Variants in FREM3 observed in about 807,000 individuals in gnomAD.
FREM3 encodes the protein FRAS1 related extracellular matrix 3, also known as FRAS1-related extracellular matrix protein 3.
In FREM3, 105 loss-of-function variants were observed where a neutral mutation model predicts 129.1. The ratio of observed to expected loss-of-function variants is 0.81; its 90% confidence interval spans 0.69 to 0.96. The LOEUF (loss-of-function observed/expected upper bound fraction) is 0.96, where lower values mean the gene tolerates loss of function less well. FREM3 is among the 40% of genes least tolerant of loss of function. The pLI, the probability that FREM3 is intolerant of heterozygous loss-of-function variation, is 0.00. For synonymous variants in FREM3, 1,014 were observed against 1,044.9 expected, an observed-to-expected ratio of 0.97 and a Z score of 0.57; for missense variants, 2,593 against 2,666.3, an observed-to-expected ratio of 0.97 and a Z score of 0.61.
chr4:143,666,522 T>C (rs1463978677), intron 2 of FREM3, among the ~76,000 whole-genome samples: 2 of 152,154 alleles, frequency 1.3e-5, no homozygotes, highest in African/African-American at 2.4e-5. Context: ...CAAAATATGA[T>C]ATGTACATAC....
chr4:143,661,732 G>T (rs1455804707), intron 2 of FREM3, among the ~76,000 whole-genome samples: 1 of 152,150 alleles, frequency 6.6e-6, no homozygotes, highest in Non-Finnish European at 1.5e-5. Context: ...AGTCTTTTTG[G>T]TTGGTAAGCT....
intron 6 of FREM3, among the ~76,000 whole-genome samples, chr4:143,603,661 A>G (rs1230562392): frequency 6.6e-6 from 1 of 152,174 alleles, no homozygotes; most frequent in Non-Finnish European, 1.5e-5. Flanking sequence ...AAACCTTTTT[A>G]TCTGAGAAAT....
At chr4:143,579,139 G>A (rs1170242446) in intron 7 of FREM3, among the ~76,000 whole-genome samples, 1 of 151,460 alleles carries the variant, frequency 6.6e-6, no homozygotes, top group African/African-American at 2.4e-5. Flanking sequence ...TTTTCTAAAA[G>A]GCACCAAATA....
intron 4 of FREM3, 33 bp downstream of exon 4, chr4:143,624,075 G>A (rs1388655310): frequency 1.6e-6 from 2 of 1,275,290 alleles, no homozygotes; most frequent in South Asian, 1.3e-5. Context: ...AACCTGTACT[G>A]GTTAATAAAG....
chr4:143,624,587 A>T (rs1739013044), intron 3 of FREM3, among the ~76,000 whole-genome samples: 1 of 152,218 alleles, frequency 6.6e-6, no homozygotes, highest in African/African-American at 2.4e-5. Context: ...ATCTTATTTA[A>T]CTTATTTATT....
intron 6 of FREM3, among the ~76,000 whole-genome samples, chr4:143,599,695 A>C (rs4835228): frequency 0.054 from 8,146 of 152,206 alleles, 589 homozygotes; most frequent in African/African-American, 0.17. Context: ...GCAAAGGAAC[A>C]CTAGGCTAGA....
intron 2 of FREM3, among the ~76,000 whole-genome samples, chr4:143,653,185 A>G (rs150157981): frequency 2.6e-5 from 4 of 152,314 alleles, no homozygotes; most frequent in African/African-American, 4.8e-5. Flanking sequence ...CACAGCTTCA[A>G]TGAGTCAGAA....
intron 4 of FREM3, among the ~76,000 whole-genome samples, chr4:143,623,589 A>C (rs1367080285): frequency 7.0e-6 from 1 of 143,796 alleles, no homozygotes; most frequent in African/African-American, 2.5e-5. Flanking sequence ...TTTCCTTTAA[A>C]TTTATCTGGG....
chr4:143,674,026 C>A (rs1043817388), intron 2 of FREM3, among the ~76,000 whole-genome samples: 1 of 152,228 alleles, frequency 6.6e-6, no homozygotes, highest in South Asian at 2.1e-4. Flanking sequence ...AATTCCCTGA[C>A]CCCTTGCACT....
chr4:143,683,197 G>T (rs1239798965), intron 2 of FREM3, among the ~76,000 whole-genome samples: 8 of 152,214 alleles, frequency 5.3e-5, no homozygotes. Flanking sequence ...GGATTAGATT[G>T]CAGCTCCGGA....
chr4:143,681,684 C>T (rs1342825497), intron 2 of FREM3, among the ~76,000 whole-genome samples: 1 of 152,146 alleles, frequency 6.6e-6, no homozygotes, highest in African/African-American at 2.4e-5. Context: ...GCCAGTTAAA[C>T]TCTATACACC....
chr4:143,669,462 T>G (rs1040382389), intron 2 of FREM3, among the ~76,000 whole-genome samples: 1 of 152,060 alleles, frequency 6.6e-6, no homozygotes, highest in African/African-American at 2.4e-5. Context: ...ACAATTTTTT[T>G]TTTTTGGTAG....
intron 7 of FREM3, among the ~76,000 whole-genome samples, chr4:143,582,353 C>T (rs978241781): frequency 7.2e-5 from 11 of 152,084 alleles, no homozygotes; most frequent in South Asian, 2.1e-4. Context: ...GCCTACCAGC[C>T]GTTACACTTA....
chr4:143,689,376 A>T (rs1740424308), intron 2 of FREM3, among the ~76,000 whole-genome samples: 1 of 152,154 alleles, frequency 6.6e-6, no homozygotes, highest in Admixed American at 6.5e-5. Flanking sequence ...ATAATTAAAA[A>T]AAGCAGTAGA....
intron 7 of FREM3, among the ~76,000 whole-genome samples, chr4:143,579,211 T>C (rs765989337): frequency 3.3e-5 from 5 of 152,128 alleles, no homozygotes; most frequent in Non-Finnish European, 7.3e-5. Context: ...CTCAGCACTT[T>C]GGGAGGCCGA....
Position 143,696,180 on chromosome 4 carries a change from A to T in FREM3, c.4496T>A (p.Val1499Asp), listed in dbSNP as rs1257824593. 1 of 1,537,670 alleles carries T rather than the reference A, an allele frequency of 6.5e-7. No individual in the cohort carries two copies. Among genetic ancestry groups the T allele is most frequent in the Non-Finnish European group, 8.7e-7 (1 of 1,147,062 alleles). Residue 1499 changes from valine (V) to aspartate (D), a missense_variant, in exon 1 of 8, where the codon GTC (valine) becomes GAC (aspartate). Val to Asp is a radical substitution (Grantham distance 152, BLOSUM62 -3). Around this residue, in one of 2 missense-constraint regions of FREM3, gnomAD observed 2,276 missense variants for 2,267.2 expected, o/e 1.00. Coordinates refer to ENST00000329798, the MANE Select transcript of FREM3 (RefSeq NM_001168235.2). ...CTTTTTCTCATCATTTGAAGTATGG[A>T]CATAGGATATTTTGTTGCTAGCCAA... is the stretch of plus-strand genomic sequence containing the variant. ...LQLASNKISY[V>D]HTSNDEKKMD...
intron 2 of FREM3, among the ~76,000 whole-genome samples, chr4:143,692,333 A>C (rs1019754142): frequency 9.9e-5 from 15 of 152,196 alleles, no homozygotes; most frequent in African/African-American, 3.1e-4. Context: ...CTACTTTACA[A>C]TAAATTCAGT....
chr4:143,697,177 T>C lies in FREM3; in HGVS notation c.3499A>G (p.Thr1167Ala). 1 of 1,537,766 alleles carries C rather than the reference T, an allele frequency of 6.5e-7. No homozygotes were observed. Among genetic ancestry groups the C allele is most frequent in the Non-Finnish European group, 8.7e-7 (1 of 1,147,028 alleles). ...TTGATGCCATCAGAGCAATAAAAGG[T>C]GAATTGGTCCTCTTGTGGCTCTACT... The part of the protein sequence containing the change: ...KGVEPQEDQF[T>A]FYCSDGINFS... The change falls in exon 1 of 8, where the codon ACC becomes GCC. Residue 1167 changes from threonine (T) to alanine (A), a missense_variant. By Grantham distance (58) the Thr-to-Ala change is moderately conservative (BLOSUM62 0). Coordinates refer to ENST00000329798, the MANE Select transcript of FREM3 (RefSeq NM_001168235.2).
chr4:143,611,220 G>A lies in FREM3; in HGVS notation c.6028+59C>T, dbSNP rs1738749318. The A allele has an allele frequency of 6.1e-6, 9 of 1,485,168 alleles. No homozygotes were observed. In the South Asian group the frequency reaches 1.0e-4, roughly 17 times the overall value. The allele number at this position is 1,485,168 out of a possible 1,614,324, so 92.0% of individuals were successfully genotyped here. ...AAGCTACATTTGCCTTTCAACTGTTGGAGGAAAGTGTGAGAAGGCAGCTAT... is the reference window on the plus strand; with the variant it reads ...AAGCTACATTTGCCTTTCAACTGTTAGAGGAAAGTGTGAGAAGGCAGCTAT... On this transcript the variant is annotated intron_variant, in intron 6 of 7. Transcript: ENST00000329798.
Sources: gnomAD v4.1 joint callset for allele counts (sites outside exome capture counted in the v4.1 genomes callset) on GRCh38, gnomAD v4.1.1 for gene constraint, gnomAD v4.1.1 regional missense constraint, MANE v1.5 for transcripts, NCBI Gene and HGNC (gene_info 2026-07-23, HGNC 2026-07-21) for gene names.